DDX60L: variants seen among roughly 807,000 people sequenced by gnomAD.
DDX60L encodes the protein DExD/H-box 60 like, also known as probable ATP-dependent RNA helicase DDX60-like.
Under a neutral mutation model 211.6 loss-of-function variants are expected in DDX60L, and 191 were observed. The ratio of observed to expected loss-of-function variants is 0.90; its 90% CI spans 0.80 to 1.02. The LOEUF (loss-of-function observed/expected upper bound fraction) is 1.02. Ranked by LOEUF, DDX60L falls within the 50% of genes least tolerant of loss-of-function variation. The probability of loss-of-function intolerance (pLI) is 0.00; values close to 1 mark genes in which losing one functional copy is unlikely to be tolerated. For missense variants in DDX60L, 2,007 were observed against 1,984.1 expected, an observed-to-expected ratio of 1.01 and a Z score of -0.22; for synonymous variants, 706 against 694.1, an observed-to-expected ratio of 1.02 and a Z score of -0.27.
chr4:168,372,841 G>A (rs965331947), intron 35 of DDX60L, among the ~76,000 whole-genome samples: 8 of 152,152 alleles, frequency 5.3e-5, no homozygotes, highest in Non-Finnish European at 1.2e-4. Context: ...TAACTTTGAA[G>A]AAGTTGTTTG....
chr4:168,465,312 G>A (rs1316726605), intron 4 of DDX60L, among the ~76,000 whole-genome samples: 1 of 151,968 alleles, frequency 6.6e-6, no homozygotes, highest in Non-Finnish European at 1.5e-5. Context: ...TGCCTATTCA[G>A]CTCACTTGCC....
intron 35 of DDX60L, among the ~76,000 whole-genome samples, chr4:168,373,345 T>C (rs2149644987): frequency 6.6e-6 from 1 of 152,250 alleles, no homozygotes. Flanking sequence ...AAAAGCACTA[T>C]GAGGTCTATG....
chr4:168,458,768 C>A (rs1756924709), intron 5 of DDX60L, among the ~76,000 whole-genome samples: 1 of 152,162 alleles, frequency 6.6e-6, no homozygotes, highest in African/African-American at 2.4e-5. Flanking sequence ...ACCTATGTAA[C>A]AAACCTGCAT....
intron 30 of DDX60L, among the ~76,000 whole-genome samples, chr4:168,383,138 T>C (rs1014271885): frequency 6.6e-6 from 1 of 152,238 alleles, no homozygotes; most frequent in East Asian, 1.9e-4. Flanking sequence ...CACTATACTA[T>C]ATTGCTTTTC....
At chr4:168,377,087 T>A (rs184314419) in intron 33 of DDX60L, among the ~76,000 whole-genome samples, 2 of 152,138 alleles carry the variant, frequency 1.3e-5, no homozygotes, top group East Asian at 3.9e-4. Flanking sequence ...GGTCAGGAGT[T>A]TAAAACCAAC....
intron 29 of DDX60L, chr4:168,389,990 G>A: frequency 5.0e-6 from 1 of 200,188 alleles, no homozygotes; most frequent in Non-Finnish European, 8.9e-6. Flanking sequence ...TCTCTAGACA[G>A]AGACAACCTG....
At position 168,448,686 on chromosome 4, in the gene DDX60L, G is replaced by A. The variant is rs1487607012; in HGVS notation, c.1090C>T (p.Gln364Ter). ...TAGAAGGCTATATTCTTTAACAATT[G>A]CTCATCATACAAGTCAGAAACATGA... The part of the protein sequence containing the change: ...LNHVSDLYDE[Q>*]LLKNIAFYYE... The change falls in exon 9 of 38, where the codon CAA becomes TAA. Residue 364 changes from glutamine (Q) to a stop codon, truncating the protein, a stop_gained. Coordinates refer to ENST00000682922, the MANE Select transcript of DDX60L (RefSeq NM_001012967.3). LOFTEE classifies it high-confidence loss of function. The A allele has an allele frequency of 6.3e-7, 1 of 1,595,016 alleles. No homozygotes were observed. Among genetic ancestry groups the A allele is most frequent in the South Asian group, 1.1e-5 (1 of 89,816 alleles).
rs1742505469 is a variant in DDX60L, at chr4:168,379,285, G to A, written c.4363+78C>T. Reference sequence around the variant, plus strand: ...TAATAAATGAGAAGGAGGAAGAAGAGAAAAACATATCTGCGGTTTTGGCTA... The same window carrying A: ...TAATAAATGAGAAGGAGGAAGAAGAAAAAAACATATCTGCGGTTTTGGCTA... On this transcript the variant is annotated intron_variant, in intron 32 of 37. Transcript: ENST00000682922. 8.7e-6 allele frequency: 11 copies of A among 1,259,946 alleles called. No homozygotes were observed. In the South Asian group the frequency reaches 2.2e-4, roughly 25 times the overall value. The allele number at this position is 1,259,946 out of a possible 1,614,324, so 78.0% of individuals were successfully genotyped here.
intron 7 of DDX60L, among the ~76,000 whole-genome samples, chr4:168,454,474 G>A (rs890016941): frequency 1.3e-5 from 2 of 152,130 alleles, no homozygotes; most frequent in African/African-American, 2.4e-5. Flanking sequence ...CTGGAAAAAC[G>A]TGAAATATCT....
chr4:168,420,459 CACAT>C (rs1045417890), intron 17 of DDX60L, 79 bp from the exon 18 acceptor site: 32 of 229,894 alleles, frequency 1.4e-4, no homozygotes, highest in Non-Finnish European at 1.9e-4. Flanking sequence ...CGAATCCATA[CACAT>C]ACACACACAC....
intron 4 of DDX60L, among the ~76,000 whole-genome samples, chr4:168,464,548 T>C (rs1757728864): frequency 6.6e-6 from 1 of 151,844 alleles, no homozygotes; most frequent in South Asian, 2.1e-4. Context: ...AAAGTGTTGT[T>C]ATTACACATG....
chr4:168,371,649 T>C lies in DDX60L; in HGVS notation c.4891A>G (p.Lys1631Glu). ...TCTAATCTTGTCAAGCAGTTGTGTT[T>C]ATAGAAATTGAGCACATATGCATTT... ...PLNAYVLNFY[K>E]HNCLTRLDQK... Residue 1631 changes from lysine (K) to glutamate (E), a missense_variant, in exon 36 of 38, where the codon AAA (lysine) becomes GAA (glutamate). Transcript: ENST00000682922. 2 of 1,582,078 alleles carry C rather than the reference T, an allele frequency of 1.3e-6. No individual in the cohort carries two copies. Among genetic ancestry groups the C allele is most frequent in the Non-Finnish European group, 1.7e-6 (2 of 1,163,400 alleles).
intron 9 of DDX60L, among the ~76,000 whole-genome samples, chr4:168,441,794 G>T (rs890313597): frequency 1.3e-5 from 2 of 152,164 alleles, no homozygotes; most frequent in Admixed American, 6.5e-5. Flanking sequence ...GACCATCTGG[G>T]CAATGTACCG....
chr4:168,460,912 A>G (rs1005080246), intron 5 of DDX60L, among the ~76,000 whole-genome samples: 70 of 152,288 alleles, frequency 4.6e-4, no homozygotes, highest in African/African-American at 1.6e-3. Context: ...GCTTGCTATT[A>G]CCAGTTTATT....
intron 7 of DDX60L, among the ~76,000 whole-genome samples, chr4:168,454,678 C>G (rs1284160149): frequency 1.3e-5 from 2 of 149,786 alleles, no homozygotes; most frequent in African/African-American, 4.9e-5. Flanking sequence ...AGGAAAGAAT[C>G]AAGAAGGAAG....
At chr4:168,433,901 T>C (rs554599270) in intron 10 of DDX60L, among the ~76,000 whole-genome samples, 1 of 152,338 alleles carries the variant, frequency 6.6e-6, no homozygotes, top group South Asian at 2.1e-4. Flanking sequence ...TCATAAGTTG[T>C]ACTTATACTA....
chr4:168,449,401 T>A (rs1188766783), intron 8 of DDX60L, among the ~76,000 whole-genome samples: 2 of 113,406 alleles, frequency 1.8e-5, no homozygotes. Context: ...CACTCATAGG[T>A]GGGAATTGAA....
At chr4:168,359,033 C>T (rs1428621107) in intron 37 of DDX60L, among the ~76,000 whole-genome samples, 1 of 152,184 alleles carries the variant, frequency 6.6e-6, no homozygotes, top group African/African-American at 2.4e-5. Flanking sequence ...ATCCATATAT[C>T]TTAGGATAGA....
intron 15 of DDX60L, 99 bp from the exon 16 acceptor site, chr4:168,422,769 T>G: frequency 2.1e-6 from 2 of 933,008 alleles, no homozygotes; most frequent in Non-Finnish European, 3.2e-6. Flanking sequence ...CAAGGCATTT[T>G]TACTACACTT....
Sources: allele counts gnomAD v4.1 joint callset (sites outside exome capture counted in the v4.1 genomes callset), GRCh38; gene constraint gnomAD v4.1.1; transcripts MANE v1.5; gene names NCBI Gene and HGNC (gene_info 2026-07-23, HGNC 2026-07-21).